Variants in SLIT2 observed in about 807,000 individuals in gnomAD.
The protein encoded by SLIT2 is slit guidance ligand 2, also known as slit homolog 2 protein.
In SLIT2, 41 loss-of-function variants were observed where a neutral mutation model predicts 185.7. The ratio of observed to expected loss-of-function variants is 0.22; its 90% CI spans 0.17 to 0.29. SLIT2 has a LOEUF of 0.29. SLIT2 is among the 10% of genes least tolerant of loss of function. SLIT2 has a pLI of 1.00. For missense variants in SLIT2, 1,571 were observed against 1,909.0 expected (o/e 0.82, Z 3.30); for synonymous variants, 693 against 680.2 (o/e 1.02, Z -0.29).
chr4:20,448,549 G>T (rs536961623), intron 4 of SLIT2, among the ~76,000 whole-genome samples: 11 of 152,026 alleles, frequency 7.2e-5, no homozygotes, highest in Admixed American at 2.0e-4. Context: ...TTGAATTCCC[G>T]ACCTCAGGTG....
intron 11 of SLIT2, among the ~76,000 whole-genome samples, chr4:20,518,569 A>G (rs1182408412): frequency 5.6e-4 from 8 of 14,374 alleles, no homozygotes; most frequent in East Asian, 2.9e-3. Context: ...ATATATATAT[A>G]TATATATATA....
intron 4 of SLIT2, among the ~76,000 whole-genome samples, chr4:20,350,940 C>A (rs1186815996): frequency 6.6e-6 from 1 of 151,994 alleles, no homozygotes; most frequent in African/African-American, 2.4e-5. Flanking sequence ...ATACTGCAAA[C>A]AAAATATTTG....
intron 4 of SLIT2, among the ~76,000 whole-genome samples, chr4:20,431,790 C>G (rs536241577): frequency 6.6e-6 from 1 of 152,182 alleles, no homozygotes; most frequent in Non-Finnish European, 1.5e-5. Context: ...TAGCGTCACC[C>G]TCTTCGTTAA....
At chr4:20,259,536 G>T (rs567484869) in intron 3 of SLIT2, among the ~76,000 whole-genome samples, 1 of 151,626 alleles carries the variant, frequency 6.6e-6, no homozygotes, top group South Asian at 2.1e-4. Context: ...ATATTTTCAG[G>T]GACACTAGAA....
intron 29 of SLIT2, among the ~76,000 whole-genome samples, chr4:20,587,521 A>G (rs1339075593): frequency 6.6e-6 from 1 of 152,202 alleles, no homozygotes; most frequent in Non-Finnish European, 1.5e-5. Flanking sequence ...TGTTGATTAG[A>G]GATTTAACAA....
At chr4:20,345,760 TC>T (rs1263584063) in intron 4 of SLIT2, among the ~76,000 whole-genome samples, 1 of 151,922 alleles carries the variant, frequency 6.6e-6, no homozygotes, top group African/African-American at 2.4e-5. Flanking sequence ...GGTCTCGATC[TC>T]CTGACCTCAT....
At position 20,333,199 on chromosome 4, in the gene SLIT2, T is replaced by C. The variant is rs141256797; in HGVS notation, c.395+64318T>C. On this transcript the variant is annotated intron_variant, in intron 4 of 36. Coordinates refer to ENST00000504154, the MANE Select transcript of SLIT2 (RefSeq NM_004787.4). The stretch of plus-strand genomic sequence containing the variant: ...TTTATAGCGTGCTTTTAGATTCTTC[T>C]GGGGGAAAAAAATTCAATGGACTAA... Among the ~76,000 whole-genome samples, 609 of 152,222 alleles carry C rather than the reference T, an allele frequency of 4.0e-3. 1 individual carries two copies. The highest frequency in any genetic ancestry group is 6.8e-3 in the Middle Eastern group (2 of 294).
chr4:20,294,550 A>C (rs1481260315), intron 4 of SLIT2, among the ~76,000 whole-genome samples: 2 of 152,174 alleles, frequency 1.3e-5, no homozygotes, highest in Non-Finnish European at 2.9e-5. Flanking sequence ...TACACTTAGA[A>C]AGTTTTTTGT....
chr4:20,327,490 C>G (rs1221574002), intron 4 of SLIT2, among the ~76,000 whole-genome samples: 1 of 151,930 alleles, frequency 6.6e-6, no homozygotes, highest in Non-Finnish European at 1.5e-5. Context: ...TATTTACTAC[C>G]TGCAAGACTG....
intron 6 of SLIT2, among the ~76,000 whole-genome samples, chr4:20,481,069 G>A (rs767502696): frequency 6.6e-6 from 1 of 151,106 alleles, no homozygotes; most frequent in Non-Finnish European, 1.5e-5. Context: ...TAAATATTGA[G>A]ATAAAATCAA....
chr4:20,564,574 G>A (rs1379040500), intron 26 of SLIT2, among the ~76,000 whole-genome samples: 1 of 151,790 alleles, frequency 6.6e-6, no homozygotes, highest in Admixed American at 6.6e-5. Context: ...TTGAATAACT[G>A]GGTTTTAAAA....
intron 4 of SLIT2, among the ~76,000 whole-genome samples, chr4:20,308,866 A>T (rs991228685): frequency 1.3e-5 from 2 of 152,144 alleles, no homozygotes; most frequent in Non-Finnish European, 2.9e-5. Flanking sequence ...ATTTAGTGAC[A>T]TTCTGATGCT....
intron 21 of SLIT2, among the ~76,000 whole-genome samples, chr4:20,544,035 G>T (rs1033711425): frequency 2.6e-5 from 4 of 151,998 alleles, no homozygotes; most frequent in Non-Finnish European, 5.9e-5. Context: ...GGTGTGGGGG[G>T]ATGGGGGAGG....
chr4:20,294,871 A>G (rs1407079707), intron 4 of SLIT2, among the ~76,000 whole-genome samples: 1 of 152,220 alleles, frequency 6.6e-6, no homozygotes, highest in Non-Finnish European at 1.5e-5. Flanking sequence ...AAAGAAAAAC[A>G]AGGAGGGTAT....
chr4:20,273,545 A>C (rs1279747759), intron 4 of SLIT2, among the ~76,000 whole-genome samples: 1 of 152,138 alleles, frequency 6.6e-6, no homozygotes, highest in African/African-American at 2.4e-5. Context: ...CATTATAAAT[A>C]ATGGAGAACC....
At chr4:20,373,666 T>C (rs985849823) in intron 4 of SLIT2, among the ~76,000 whole-genome samples, 1 of 152,122 alleles carries the variant, frequency 6.6e-6, no homozygotes, top group Non-Finnish European at 1.5e-5. Flanking sequence ...ATGTATTGAG[T>C]CCTTTTGAGG....
intron 4 of SLIT2, among the ~76,000 whole-genome samples, chr4:20,300,883 G>A (rs748234149): frequency 1.3e-5 from 2 of 151,744 alleles, no homozygotes; most frequent in Non-Finnish European, 2.9e-5. Context: ...AAATGCAATA[G>A]CATTTAATGA....
At position 20,550,711 on chromosome 4, in the gene SLIT2, A is replaced by G. The variant is rs1226524909; in HGVS notation, c.2490-116A>G. On this transcript the variant is annotated intron_variant, in intron 24 of 36. Transcript: ENST00000504154. Reference sequence around the variant, plus strand: ...TGTACCAAAACTGTTTATTTTATAGACCGTCTTTTCTGCACTCATTTAAAA... The same window carrying G: ...TGTACCAAAACTGTTTATTTTATAGGCCGTCTTTTCTGCACTCATTTAAAA... The G allele has an allele frequency of 1.1e-5, 6 of 525,238 alleles. No homozygotes were observed. In the Admixed American group the frequency reaches 2.2e-4, roughly 19 times the overall value. The allele number at this position is 525,238 out of a possible 1,614,324, so 32.5% of individuals were successfully genotyped here. A position where few individuals can be genotyped will look rare whatever the true frequency, so the allele number is the denominator to read the frequency against.
At chr4:20,336,440 C>A (rs775588468) in intron 4 of SLIT2, among the ~76,000 whole-genome samples, 3 of 152,122 alleles carry the variant, frequency 2.0e-5, no homozygotes, top group African/African-American at 7.2e-5. Flanking sequence ...AACAGAAAAC[C>A]TAACACTGCT....
Sources: allele counts gnomAD v4.1 joint callset (sites outside exome capture counted in the v4.1 genomes callset), GRCh38; gene constraint gnomAD v4.1.1; transcripts MANE v1.5; gene names NCBI Gene and HGNC (gene_info 2026-07-23, HGNC 2026-07-21).